ARHGEF17: variants seen among roughly 807,000 people sequenced by gnomAD.
ARHGEF17 encodes the protein Rho guanine nucleotide exchange factor 17, also known as 164 kDa Rho-specific guanine-nucleotide exchange factor.
A neutral mutation model predicts 174.0 loss-of-function variants in ARHGEF17; 80 were observed. The observed-to-expected ratio is 0.46, with a 90% CI of 0.38 to 0.55. ARHGEF17 has a LOEUF of 0.55. Ranked by LOEUF, ARHGEF17 falls within the 20% of genes least tolerant of loss-of-function variation. The pLI is 0.00. For synonymous variants in ARHGEF17, 1,311 were observed against 1,189.1 expected, an observed-to-expected ratio of 1.10 and a Z score of -2.11; for missense variants, 2,886 against 2,839.7, an observed-to-expected ratio of 1.02 and a Z score of -0.37.
At position 73,309,507 on chromosome 11, in the gene ARHGEF17, G is replaced by C. The variant is rs753646976; in HGVS notation, c.869G>C (p.Gly290Ala). Residue 290 changes from glycine to alanine, a missense_variant, in exon 1 of 21, where the codon GGA (glycine) becomes GCA (alanine). Gly to Ala is a moderately conservative substitution (Grantham distance 60). Coordinates refer to ENST00000263674, the MANE Select transcript of ARHGEF17 (RefSeq NM_014786.4). The part of the protein sequence containing the change: ...DRDGEGGHRW[G>A]GRPGLRPGSS... ...GACGGTGAGGGCGGCCACCGCTGGG[G>C]AGGGAGGCCCGGGCTCAGGCCTGGA... is the stretch of plus-strand genomic sequence containing the variant. 5.8e-6 allele frequency: 9 copies of C among 1,558,856 alleles called. No homozygotes were observed. In the Admixed American group the frequency reaches 1.7e-4, roughly 29 times the overall value.
chr11:73,339,635 TG>T (rs1217669736), intron 1 of ARHGEF17, among the ~76,000 whole-genome samples: 1 of 152,086 alleles, frequency 6.6e-6, no homozygotes, highest in Admixed American at 6.5e-5. Flanking sequence ...GTCAGGGTAT[TG>T]GGATTCCCTC....
chr11:73,319,723 G>T (rs982749954), intron 1 of ARHGEF17, among the ~76,000 whole-genome samples: 1 of 152,222 alleles, frequency 6.6e-6, no homozygotes, highest in Non-Finnish European at 1.5e-5. Context: ...GCTCCGTGTT[G>T]GGCAGTGGGG....
In ARHGEF17 at chr11:73,363,345, C is replaced by G. The variant is rs144540394; in HGVS notation, c.5136C>G (p.Ala1712=). The G allele has an allele frequency of 2.0e-5, 32 of 1,612,776 alleles. No homozygotes were observed. The highest frequency in any genetic ancestry group is 2.5e-5 in the Non-Finnish European group (29 of 1,179,846). Residue 1712 remains alanine, a synonymous_variant, in exon 15 of 21, where the codon GCC becomes GCG. Transcript: ENST00000263674. ...PCGTSPMDGR[A]LRRSSHGSFT... ...GCACCAGCCCAATGGATGGGAGAGC[C>G]CTTCGCCGCTCCAGCCACGGCTCCT...
intron 18 of ARHGEF17, chr11:73,364,857 G>T: frequency 2.2e-6 from 1 of 462,800 alleles, no homozygotes; most frequent in East Asian, 3.8e-5. Context: ...TCTCAACTCA[G>T]GTTTTAGGGT....
intron 6 of ARHGEF17, 21 bp downstream of exon 6, chr11:73,356,372 C>T (rs1175634515): frequency 6.4e-7 from 1 of 1,563,728 alleles, no homozygotes; most frequent in Non-Finnish European, 8.6e-7. Context: ...CCTGCCCCAC[C>T]CCACCCTACC....
intron 1 of ARHGEF17, among the ~76,000 whole-genome samples, chr11:73,332,784 GC>G (rs1007879174): frequency 9.9e-5 from 15 of 152,122 alleles, no homozygotes; most frequent in African/African-American, 3.6e-4. Flanking sequence ...CCTTAACTAT[GC>G]CTCATCATCT....
intron 1 of ARHGEF17, among the ~76,000 whole-genome samples, chr11:73,338,585 G>C (rs932358076): frequency 6.6e-6 from 1 of 152,170 alleles, no homozygotes; most frequent in Non-Finnish European, 1.5e-5. Context: ...ATTGCCTGTG[G>C]ATGGCAGTTT....
At position 73,362,155 on chromosome 11, in the gene ARHGEF17, C is replaced by T. The variant is rs764201489; in HGVS notation, c.4610C>T (p.Pro1537Leu). 5.6e-6 allele frequency: 9 copies of T among 1,605,126 alleles called. No individual in the cohort carries two copies. Among genetic ancestry groups the T allele is most frequent in the African/African-American group, 2.7e-5 (2 of 74,606 alleles). ...QVCLLSLRAEPDVEACIAVCS... is the reference protein window; with the variant it reads ...QVCLLSLRAELDVEACIAVCS... ...TGCCTGCTGAGCCTGCGCGCCGAGCCGGACGTGGAGGCCTGCATCGCCGTC... is the reference window on the plus strand; with the variant it reads ...TGCCTGCTGAGCCTGCGCGCCGAGCTGGACGTGGAGGCCTGCATCGCCGTC... Residue 1537 changes from proline to leucine, a missense_variant, in exon 13 of 21, where the codon CCG becomes CTG. By Grantham distance (98) the Pro-to-Leu change is moderately conservative (BLOSUM62 -3). Coordinates refer to ENST00000263674, the MANE Select transcript of ARHGEF17 (RefSeq NM_014786.4).
chr11:73,325,371 G>C (rs1865084113), intron 1 of ARHGEF17, among the ~76,000 whole-genome samples: 1 of 152,158 alleles, frequency 6.6e-6, no homozygotes, highest in South Asian at 2.1e-4. Context: ...TCGTTCCAGG[G>C]CTGGGCCCTG....
Position 73,363,459 on chromosome 11 carries a change from G to A in ARHGEF17, c.5246+4G>A, listed in dbSNP as rs1293632681. ...GGCTGGGCACTGAGGATGGCTGGTA[G>A]GGACAGGGGAGGGACTAGGGACACA... On this transcript the variant is annotated splice_donor_region_variant and intron_variant, in intron 15 of 20. Transcript: ENST00000263674. 3 of 1,610,042 alleles carry A rather than the reference G, an allele frequency of 1.9e-6. No homozygotes were observed. The highest frequency in any genetic ancestry group is 2.2e-5 in the East Asian group (1 of 44,818).
At position 73,311,322 on chromosome 11, in the gene ARHGEF17, C is replaced by T. The variant is rs772093395; in HGVS notation, c.2684C>T (p.Pro895Leu). Residue 895 changes from proline to leucine, a missense_variant, in exon 1 of 21, where the codon CCC becomes CTC. Physicochemically the swap from Pro to Leu is moderately conservative, Grantham distance 98. Coordinates refer to ENST00000263674, the MANE Select transcript of ARHGEF17 (RefSeq NM_014786.4). ...AGGGCCCTACCTGAGGCTCTGCCTC[C>T]CCCTGCCACTGCCCACCGAAACTTT... ...SERALPEALPPPATAHRNFHL... is the reference protein window; with the variant it reads ...SERALPEALPLPATAHRNFHL... 3 of 1,613,226 alleles carry T rather than the reference C, an allele frequency of 1.9e-6. No individual in the cohort carries two copies. In the African/African-American group the frequency reaches 4.0e-5, roughly 22 times the overall value.
chr11:73,349,220 C>G (rs567154257), intron 2 of ARHGEF17, among the ~76,000 whole-genome samples: 4 of 152,304 alleles, frequency 2.6e-5, no homozygotes, highest in African/African-American at 9.6e-5. Flanking sequence ...GTTGAAGTCA[C>G]GTGCGTCCTC....
intron 1 of ARHGEF17, among the ~76,000 whole-genome samples, chr11:73,325,098 T>G (rs962339491): frequency 6.6e-6 from 1 of 152,154 alleles, no homozygotes; most frequent in Admixed American, 6.5e-5. Context: ...CAGTCCCGTT[T>G]GCAGTATCTG....
chr11:73,362,871 C>A, intron 14 of ARHGEF17, 137 bp downstream of exon 14: 1 of 1,152,368 alleles, frequency 8.7e-7, no homozygotes, highest in Non-Finnish European at 1.2e-6. Context: ...GCAATGAGGG[C>A]AGGGGATGTG....
Position 73,311,356 on chromosome 11 carries a change from C to G in ARHGEF17, c.2718C>G (p.Asp906Glu). ...CTGCCCACCGAAACTTTCACCTTGA[C>G]CCCAAGCTGGCTGACATTCTGTCCC... Reference protein sequence around the residue: ...PATAHRNFHLDPKLADILSPR... With the variant: ...PATAHRNFHLEPKLADILSPR... Residue 906 changes from aspartate to glutamate, a missense_variant, in exon 1 of 21, where the codon GAC becomes GAG. Physicochemically the swap from Asp to Glu is conservative, Grantham distance 45. Transcript: ENST00000263674. 4 of 1,613,362 alleles carry G rather than the reference C, an allele frequency of 2.5e-6. No homozygotes were observed. Among genetic ancestry groups the G allele is most frequent in the Non-Finnish European group, 3.4e-6 (4 of 1,180,040 alleles).
chr11:73,321,489 G>T (rs1865016673), intron 1 of ARHGEF17, among the ~76,000 whole-genome samples: 1 of 152,214 alleles, frequency 6.6e-6, no homozygotes, highest in South Asian at 2.1e-4. Flanking sequence ...CTGACCCCTT[G>T]CCGGGTGATA....
rs570742633 is a variant in ARHGEF17, at chr11:73,368,722, C to G, written c.*942C>G. 18 of 152,660 alleles carry G rather than the reference C, an allele frequency of 1.2e-4. No homozygotes were observed. Among genetic ancestry groups the G allele is most frequent in the Admixed American group, 9.8e-4 (15 of 15,302 alleles). The allele number at this position is 152,660 out of a possible 1,614,324, so 9.5% of individuals were successfully genotyped here. On this transcript the variant is annotated 3_prime_UTR_variant, in exon 21 of 21. Transcript: ENST00000263674. ...TTGGAGGGCAGACCTAGGAGCCCCTCTGACCACTGAATCCGTCTCCACACC... is the reference window on the plus strand; with the variant it reads ...TTGGAGGGCAGACCTAGGAGCCCCTGTGACCACTGAATCCGTCTCCACACC...
Position 73,310,864 on chromosome 11 carries a change from C to A in ARHGEF17, c.2226C>A (p.His742Gln). Residue 742 changes from histidine (H) to glutamine (Q), a missense_variant, in exon 1 of 21, where the codon CAC becomes CAA. Transcript: ENST00000263674. Reference sequence around the variant, plus strand: ...TGAGTGACCCAATTCCTCAGCGCCACCGGGCTGCCACCTCTGAAGAGCCTA... The same window carrying A: ...TGAGTGACCCAATTCCTCAGCGCCAACGGGCTGCCACCTCTGAAGAGCCTA... ...RSLSDPIPQR[H>Q]RAATSEEPTG... 1 of 1,612,210 alleles carries A rather than the reference C, an allele frequency of 6.2e-7. No homozygotes were observed. Among genetic ancestry groups the A allele is most frequent in the Non-Finnish European group, 8.5e-7 (1 of 1,179,194 alleles).
At chr11:73,363,910 C>G (rs1305359745) in intron 16 of ARHGEF17, 77 bp downstream of exon 16, 1 of 1,454,506 alleles carries the variant, frequency 6.9e-7, no homozygotes, top group East Asian at 2.3e-5. Flanking sequence ...TCATCTGGTC[C>G]CCCTGCTCTA....
Sources: allele counts gnomAD v4.1 joint callset (sites outside exome capture counted in the v4.1 genomes callset), GRCh38; gene constraint gnomAD v4.1.1; transcripts MANE v1.5; gene names NCBI Gene and HGNC (gene_info 2026-07-23, HGNC 2026-07-21).